The following LIPI variants were observed in gnomAD, a reference collection of about 807,000 sequenced individuals.
LIPI encodes lipase member I.
A neutral mutation model predicts 50.6 loss-of-function variants in LIPI; 59 were observed. That is an observed-to-expected ratio of 1.16 (90% confidence interval 0.94 to 1.45). The LOEUF (loss-of-function observed/expected upper bound fraction) is 1.45, where lower values mean the gene tolerates loss of function less well. LIPI is among the 40% of genes most tolerant of loss of function. LIPI has a pLI of 0.00. For missense variants in LIPI, 586 were observed against 536.3 expected (o/e 1.09, Z -0.92); for synonymous variants, 203 against 178.2 (o/e 1.14, Z -1.11).
chr21:14,182,679 G>C (rs2019313620), intron 3 of LIPI, among the ~76,000 whole-genome samples: 1 of 150,936 alleles, frequency 6.6e-6, no homozygotes, highest in South Asian at 2.1e-4. Context: ...CCTCTTCAAG[G>C]AGAACTACAA....
intron 9 of LIPI, among the ~76,000 whole-genome samples, chr21:14,112,685 A>G (rs2016462067): frequency 6.6e-6 from 1 of 152,094 alleles, no homozygotes; most frequent in African/African-American, 2.4e-5. Flanking sequence ...ATTAATATTT[A>G]TACATATTCA....
intron 7 of LIPI, among the ~76,000 whole-genome samples, chr21:14,162,957 A>G (rs2018545587): frequency 6.6e-6 from 1 of 151,610 alleles, no homozygotes; most frequent in Non-Finnish European, 1.5e-5. Context: ...TTATATTTCT[A>G]TGAGATTCTC....
rs1412145350 is a variant in LIPI at position 14,205,143 on chromosome 21, T to G, written c.46+5657A>C. On this transcript the variant is annotated intron_variant, in intron 1 of 9. Transcript: ENST00000681601. ...AAATGTATTAAACATATGCTTAGTC[T>G]CCTTAAAAAATCAATAAATTTTAAT... Among the ~76,000 whole-genome samples, 6 of 151,758 alleles carry G rather than the reference T, an allele frequency of 4.0e-5. No homozygotes were observed. In the East Asian group the frequency reaches 1.2e-3, roughly 29 times the overall value.
At chr21:14,125,265 C>T (rs1600836200) in intron 9 of LIPI, among the ~76,000 whole-genome samples, 2 of 152,220 alleles carry the variant, frequency 1.3e-5, no homozygotes, top group South Asian at 2.1e-4. Flanking sequence ...TTTAATAGAA[C>T]AGCACAAAAC....
intron 9 of LIPI, among the ~76,000 whole-genome samples, chr21:14,142,764 G>A (rs187727382): frequency 1.1e-4 from 17 of 151,806 alleles, no homozygotes; most frequent in South Asian, 4.2e-4. Flanking sequence ...GATTACAGGC[G>A]TGAGCCACCA....
At position 14,163,515 on chromosome 21, in the gene LIPI, C is replaced by T. The variant is rs373779693; in HGVS notation, c.910G>A (p.Ala304Thr). The T allele has an allele frequency of 2.7e-6, 4 of 1,496,430 alleles. No individual in the cohort carries two copies. In the African/African-American group the frequency reaches 5.5e-5, roughly 21 times the overall value. The allele number at this position is 1,496,430 out of a possible 1,614,324, so 92.7% of individuals were successfully genotyped here. A position where few individuals can be genotyped will look rare whatever the true frequency, so the allele number is the denominator to read the frequency against. The change falls in exon 7 of 10, where the codon GCC becomes ACC. Residue 304 changes from alanine (A) to threonine (T), a missense_variant. Physicochemically the swap from Ala to Thr is moderately conservative, Grantham distance 58. Transcript: ENST00000681601. Reference protein sequence around the residue: ...EKSCPRLGYQAKLFKGVLKER... With the variant: ...EKSCPRLGYQTKLFKGVLKER... ...TTTAAAACACCTTTAAATAGCTTGG[C>T]TTGATAACCTGAGATTTGAGAAATA...
At chr21:14,159,870 G>A (rs1568856902) in intron 7 of LIPI, among the ~76,000 whole-genome samples, 2 of 151,228 alleles carry the variant, frequency 1.3e-5, no homozygotes, top group Non-Finnish European at 3.0e-5. Context: ...CCAAAATTTA[G>A]AAATACATTT....
chr21:14,134,231 A>C (rs2017407263), intron 9 of LIPI, among the ~76,000 whole-genome samples: 1 of 152,160 alleles, frequency 6.6e-6, no homozygotes. Context: ...ATTCTGTCAA[A>C]AAAACAAAAC....
chr21:14,161,589 T>G (rs1344951090), intron 7 of LIPI, among the ~76,000 whole-genome samples: 2 of 116,128 alleles, frequency 1.7e-5, no homozygotes, highest in African/African-American at 3.7e-5. Flanking sequence ...AATATATATC[T>G]ATATAATATA....
In LIPI at chr21:14,182,667, G is replaced by A. The variant is rs1035710605; in HGVS notation, c.542-808C>T. Among the ~76,000 whole-genome samples the A allele has an allele frequency of 1.6e-4, 25 of 151,634 alleles. 1 individual carries two copies. In the East Asian group the frequency reaches 3.3e-3, roughly 20 times the overall value. ...AATCCAACTTACAAGGGATGTGAAG[G>A]ACCTCTTCAAGGAGAACTACAAACC... is the stretch of plus-strand genomic sequence containing the variant. On this transcript the variant is annotated intron_variant, in intron 3 of 9. Coordinates refer to ENST00000681601, the MANE Select transcript of LIPI (RefSeq NM_001302998.2).
intron 9 of LIPI, among the ~76,000 whole-genome samples, chr21:14,139,439 G>A (rs1034913920): frequency 2.6e-5 from 4 of 151,918 alleles, no homozygotes; most frequent in African/African-American, 7.3e-5. Flanking sequence ...TTTTAAAATT[G>A]TTCCATGCCA....
chr21:14,115,015 A>G (rs888570474), intron 9 of LIPI, among the ~76,000 whole-genome samples: 3 of 152,152 alleles, frequency 2.0e-5, no homozygotes, highest in African/African-American at 7.2e-5. Flanking sequence ...GGTGGTGAAG[A>G]AGGAATTCAT....
chr21:14,119,111 G>T (rs1379589788), intron 9 of LIPI, among the ~76,000 whole-genome samples: 1 of 152,170 alleles, frequency 6.6e-6, no homozygotes, highest in African/African-American at 2.4e-5. Context: ...TGTAAGCCGA[G>T]ACATTTTTGC....
chr21:14,116,936 T>G (rs886278414), intron 9 of LIPI, among the ~76,000 whole-genome samples: 3 of 152,126 alleles, frequency 2.0e-5, no homozygotes, highest in African/African-American at 7.2e-5. Context: ...ATGTTCTAAT[T>G]TATCCATCTC....
intron 4 of LIPI, among the ~76,000 whole-genome samples, chr21:14,168,258 A>G (rs1304109392): frequency 6.6e-6 from 1 of 152,188 alleles, no homozygotes; most frequent in Non-Finnish European, 1.5e-5. Flanking sequence ...TGAAAGTGAC[A>G]GGGAGAATGG....
intron 7 of LIPI, among the ~76,000 whole-genome samples, chr21:14,153,541 A>G (rs1170074868): frequency 1.3e-5 from 2 of 152,214 alleles, no homozygotes; most frequent in African/African-American, 4.8e-5. Flanking sequence ...TGCTAGGTGT[A>G]CAATCCATGT....
intron 9 of LIPI, among the ~76,000 whole-genome samples, chr21:14,125,761 T>A (rs557526705): frequency 6.6e-6 from 1 of 152,156 alleles, no homozygotes. Flanking sequence ...GTCTTCACCA[T>A]GTTAGCCAGG....
chr21:14,172,711 T>G (rs924979689), intron 4 of LIPI, among the ~76,000 whole-genome samples: 105 of 150,412 alleles, frequency 7.0e-4, no homozygotes, highest in African/African-American at 2.5e-3. Context: ...CTCTGGGGAC[T>G]GTTGTGGGGT....
rs1330257052 is a variant in LIPI at position 14,210,865 on chromosome 21, A to G, written c.-20T>C. 8.1e-7 allele frequency: 1 copy of G among 1,230,850 alleles called. No homozygotes were observed. Among genetic ancestry groups the G allele is most frequent in the Non-Finnish European group, 1.0e-6 (1 of 962,148 alleles). The allele number at this position is 1,230,850 out of a possible 1,614,324, so 76.2% of individuals were successfully genotyped here. A position where few individuals can be genotyped will look rare whatever the true frequency, so the allele number is the denominator to read the frequency against. On this transcript the variant is annotated 5_prime_UTR_variant, in exon 1 of 10. Coordinates refer to ENST00000681601, the MANE Select transcript of LIPI (RefSeq NM_001302998.2). ...TCTCATTTGGAATCTGAGAAAAGCA[A>G]AAACAGCACTCAATTCACCAAAAAG...
Sources: allele counts gnomAD v4.1 joint callset (sites outside exome capture counted in the v4.1 genomes callset), GRCh38; gene constraint gnomAD v4.1.1; transcripts MANE v1.5; gene names NCBI Gene and HGNC (gene_info 2026-07-23, HGNC 2026-07-21).